Variants in ETV5 observed in about 807,000 individuals in gnomAD.
ETV5 encodes ETS variant transcription factor 5.
In ETV5, 10 loss-of-function variants were observed where a neutral mutation model predicts 70.0. The ratio of observed to expected loss-of-function variants is 0.14; its 90% CI spans 0.09 to 0.24. The LOEUF (loss-of-function observed/expected upper bound fraction) is 0.24, where lower values mean the gene tolerates loss of function less well. ETV5 is among the 10% of genes least tolerant of loss of function. The probability of loss-of-function intolerance (pLI) is 1.00; values close to 1 mark genes in which losing one functional copy is unlikely to be tolerated. For synonymous variants in ETV5, 216 were observed against 242.2 expected (o/e 0.89, Z 1.01); for missense variants, 453 against 651.2 (o/e 0.70, Z 3.31).
At chr3:186,096,800 T>C (rs749498348) in intron 5 of ETV5, among the ~76,000 whole-genome samples, 2 of 152,202 alleles carry the variant, frequency 1.3e-5, no homozygotes, top group Non-Finnish European at 2.9e-5. Flanking sequence ...ATGCTCATCA[T>C]ACATCCCTGG....
Position 186,065,333 on chromosome 3 carries a change from G to A in ETV5, c.910+480C>T, listed in dbSNP as rs1001306629. ...CTACTCCTGAGAAAAATACATCAAA[G>A]CTTTCCAGAGGAATGCTGATGGAAA... On this transcript the variant is annotated intron_variant, in intron 8 of 12. Coordinates refer to ENST00000306376, the MANE Select transcript of ETV5 (RefSeq NM_004454.3). 2.0e-5 allele frequency among the ~76,000 whole-genome samples: 3 copies of A among 152,152 alleles called. No homozygotes were observed. The South Asian group carries it at 6.2e-4, about 32-fold the overall frequency.
intron 5 of ETV5, among the ~76,000 whole-genome samples, chr3:186,087,650 AG>A (rs1039548858): frequency 6.6e-6 from 1 of 152,222 alleles, no homozygotes; most frequent in African/African-American, 2.4e-5. Flanking sequence ...GGTCCATTCA[AG>A]AGAAATAATA....
intron 12 of ETV5, among the ~76,000 whole-genome samples, chr3:186,051,202 G>A (rs1362874180): frequency 2.6e-5 from 4 of 152,148 alleles, no homozygotes; most frequent in African/African-American, 4.8e-5. Context: ...ATTACCACCC[G>A]CCTATGAGAA....
At chr3:186,100,154 C>T (rs982006381) in intron 5 of ETV5, among the ~76,000 whole-genome samples, 1 of 152,224 alleles carries the variant, frequency 6.6e-6, no homozygotes, top group African/African-American at 2.4e-5. Context: ...CTAACAAACA[C>T]TTTGAAAGTA....
Position 186,057,669 on chromosome 3 carries a change from T to C in ETV5, c.971-178A>G, listed in dbSNP as rs755854286. ...GAGGGCTTAGGCATTCCAATTCTGA[T>C]GTAATCACCTGCGCCTCAGTCAGAG... On this transcript the variant is annotated intron_variant, in intron 9 of 12. Transcript: ENST00000306376. This position sits in a 1 kb window ranked among gnomAD's most constrained non-coding sequence, Gnocchi z 4.9. Among the ~76,000 whole-genome samples the C allele has an allele frequency of 2.0e-5, 3 of 152,226 alleles. No homozygotes were observed. Among genetic ancestry groups the C allele is most frequent in the Non-Finnish European group, 4.4e-5 (3 of 68,036 alleles).
chr3:186,089,089 T>C (rs1460750770), intron 5 of ETV5, among the ~76,000 whole-genome samples: 1 of 152,200 alleles, frequency 6.6e-6, no homozygotes, highest in Non-Finnish European at 1.5e-5. Context: ...TAGTAGATAA[T>C]ACTCTGTTCT....
intron 5 of ETV5, among the ~76,000 whole-genome samples, chr3:186,087,374 C>T (rs1714083716): frequency 1.3e-5 from 2 of 152,160 alleles, no homozygotes; most frequent in African/African-American, 4.8e-5. Context: ...GCACAGGAGT[C>T]TTCTTATAGT....
intron 7 of ETV5, among the ~76,000 whole-genome samples, chr3:186,079,496 A>G (rs1713878246): frequency 6.6e-6 from 1 of 152,192 alleles, no homozygotes; most frequent in Non-Finnish European, 1.5e-5. Context: ...AGGAGTCAGG[A>G]ACCTGCCCTC....
chr3:186,051,976 A>G, intron 12 of ETV5, 54 bp downstream of exon 12: 2 of 1,560,346 alleles, frequency 1.3e-6, no homozygotes, highest in Non-Finnish European at 1.8e-6. Context: ...GAAGCCCTGG[A>G]CTTTTTCCTT....
At position 186,057,982 on chromosome 3, in the gene ETV5, G is replaced by T. The variant is rs1349958388; in HGVS notation, c.971-491C>A. The stretch of plus-strand genomic sequence containing the variant: ...ATTACGAAAGAGCTTGAAGGGTAAA[G>T]AATGTTGCCAAAATGAATAAAGACT... On this transcript the variant is annotated intron_variant, in intron 9 of 12. Transcript: ENST00000306376. This position sits in a 1 kb window ranked among gnomAD's most constrained non-coding sequence, Gnocchi z 4.9. Among the ~76,000 whole-genome samples the T allele has an allele frequency of 6.6e-6, 1 of 152,222 alleles. No homozygotes were observed. The highest frequency in any genetic ancestry group is 6.5e-5 in the Admixed American group (1 of 15,290).
intron 9 of ETV5, among the ~76,000 whole-genome samples, chr3:186,063,054 G>A (rs1318874961): frequency 6.6e-6 from 1 of 152,142 alleles, no homozygotes; most frequent in Non-Finnish European, 1.5e-5. Context: ...GGTGGATCAC[G>A]AGGTCAGGAG....
chr3:186,094,259 A>G (rs1360038485), intron 5 of ETV5, among the ~76,000 whole-genome samples: 20 of 152,214 alleles, frequency 1.3e-4, no homozygotes, highest in Admixed American at 1.3e-3. Context: ...ACGGGTGTAA[A>G]GTACTAAATC....
chr3:186,080,506 C>T, intron 6 of ETV5: 1 of 236,180 alleles, frequency 4.2e-6, no homozygotes, highest in East Asian at 6.1e-5. Context: ...TGTTGAAGGT[C>T]TGTTTGTGCT....
rs1227963258 is a variant in ETV5, at chr3:186,057,156, G to T, written c.1128C>A (p.Thr376=). Residue 376 remains threonine, a synonymous_variant, in exon 11 of 13, where the codon ACC becomes ACA. Transcript: ENST00000306376. The surrounding 1 kb of genome is among the most constrained non-coding windows in gnomAD (Gnocchi z 4.9). Reference sequence around the variant, plus strand: ...GGGCATTGGCTGGGTCATCAAGAAGGGTGACCAGGAACTGCCACAGCTGAA... The same window carrying T: ...GGGCATTGGCTGGGTCATCAAGAAGTGTGACCAGGAACTGCCACAGCTGAA... The part of the protein sequence containing the change: ...GSLQLWQFLV[T]LLDDPANAHF... The T allele has an allele frequency of 6.2e-7, 1 of 1,614,152 alleles. No individual in the cohort carries two copies.
intron 9 of ETV5, among the ~76,000 whole-genome samples, chr3:186,063,142 C>T (rs888802393): frequency 6.6e-5 from 10 of 151,982 alleles, no homozygotes; most frequent in Admixed American, 4.6e-4. Context: ...TGGTGGCGGG[C>T]GCCTGTAGTC....
intron 7 of ETV5, among the ~76,000 whole-genome samples, chr3:186,071,629 T>C (rs531501308): frequency 3.9e-5 from 6 of 152,186 alleles, no homozygotes; most frequent in African/African-American, 1.4e-4. Flanking sequence ...TGCCCCACCT[T>C]CTCCCCACAA....
chr3:186,076,506 G>C (rs1713793860), intron 7 of ETV5: 1 of 182,838 alleles, frequency 5.5e-6, no homozygotes, highest in Non-Finnish European at 1.2e-5. Flanking sequence ...GTGTACTACA[G>C]AGCCCAGGAC....
At chr3:186,062,601 C>CA (rs1475504889) in intron 9 of ETV5, among the ~76,000 whole-genome samples, 1 of 152,102 alleles carries the variant, frequency 6.6e-6, no homozygotes, top group Non-Finnish European at 1.5e-5. Context: ...AGCCTGGCGA[C>CA]AGAGCAAGAC....
intron 5 of ETV5, among the ~76,000 whole-genome samples, chr3:186,094,215 A>T (rs2150153165): frequency 6.6e-6 from 1 of 152,368 alleles, no homozygotes; most frequent in Non-Finnish European, 1.5e-5. Context: ...CTCCCAAAAG[A>T]AGTGGTCACG....
Sources: allele counts gnomAD v4.1 joint callset (sites outside exome capture counted in the v4.1 genomes callset), GRCh38; gene constraint gnomAD v4.1.1; non-coding constraint Gnocchi (gnomAD v3.1); transcripts MANE v1.5; gene names NCBI Gene and HGNC (gene_info 2026-07-23, HGNC 2026-07-21).